The following ARMC3 variants were observed in gnomAD, a reference collection of about 807,000 sequenced individuals.
ARMC3 encodes the protein armadillo repeat-containing protein 3.
A neutral mutation model predicts 90.3 loss-of-function variants in ARMC3; 74 were observed. The observed-to-expected ratio is 0.82, with a 90% CI of 0.68 to 0.99. The LOEUF is 0.99. Ranked by LOEUF, ARMC3 falls within the 50% of genes least tolerant of loss-of-function variation. ARMC3 has a pLI of 0.00. For synonymous variants in ARMC3, 334 were observed against 361.8 expected (o/e 0.92, Z 0.87); for missense variants, 958 against 1,042.8 (o/e 0.92, Z 1.12).
In ARMC3 at chr10:22,946,450, G is replaced by A. The variant is rs1834529136; in HGVS notation, c.166+189G>A. 3 of 416,872 alleles carry A rather than the reference G, an allele frequency of 7.2e-6. No homozygotes were observed. The South Asian group carries it at 1.1e-4, about 15-fold the overall frequency. 25.8% of individuals were successfully genotyped at this position (416,872 alleles called of 1,614,324 possible). A position where few individuals can be genotyped will look rare whatever the true frequency, so the allele number is the denominator to read the frequency against. The stretch of plus-strand genomic sequence containing the variant: ...CCTGAGTTCCTAGCTTAATCTTAAG[G>A]AGTAATTTAGTCACTGGGTAGAACA... On this transcript the variant is annotated intron_variant, in intron 3 of 18. Coordinates refer to ENST00000298032, the MANE Select transcript of ARMC3 (RefSeq NM_173081.5).
chr10:22,972,244 A>G (rs1281214141), intron 8 of ARMC3, among the ~76,000 whole-genome samples: 3 of 152,180 alleles, frequency 2.0e-5, no homozygotes. Context: ...TTGGTGTCAT[A>G]TCCAATAACT....
chr10:23,001,723 G>A (rs1467006519), intron 11 of ARMC3, among the ~76,000 whole-genome samples, 196 bp from the exon 12 acceptor site: 5 of 152,136 alleles, frequency 3.3e-5, no homozygotes, highest in African/African-American at 4.8e-5. Context: ...CCCAGGGCCC[G>A]AAAACCGGGC....
intron 1 of ARMC3, among the ~76,000 whole-genome samples, chr10:22,931,020 CG>C (rs1421919197): frequency 6.6e-6 from 1 of 152,056 alleles, no homozygotes; most frequent in Non-Finnish European, 1.5e-5. Context: ...CTCCGCCTCC[CG>C]GGTTCAAGTG....
chr10:23,026,393 C>A (rs1564404305), intron 16 of ARMC3, among the ~76,000 whole-genome samples: 1 of 151,960 alleles, frequency 6.6e-6, no homozygotes, highest in Non-Finnish European at 1.5e-5. Flanking sequence ...TTTATCTGAG[C>A]AACTTGAGGG....
intron 1 of ARMC3, among the ~76,000 whole-genome samples, chr10:22,929,269 A>G (rs1453737147): frequency 6.7e-6 from 1 of 148,174 alleles, no homozygotes; most frequent in African/African-American, 2.6e-5. Context: ...AGAGAGAGGG[A>G]GAGAGAGAGA....
At chr10:22,996,441 A>G (rs185811263) in intron 10 of ARMC3, among the ~76,000 whole-genome samples, 58 of 152,310 alleles carry the variant, frequency 3.8e-4, no homozygotes, top group African/African-American at 1.2e-3. Flanking sequence ...GTTACATGTC[A>G]TCTAACCAAA....
Position 23,032,998 on chromosome 10 carries a change from T to G in ARMC3, c.2384T>G (p.Phe795Cys). 1 of 1,612,832 alleles carries G rather than the reference T, an allele frequency of 6.2e-7. No homozygotes were observed. Among genetic ancestry groups the G allele is most frequent in the South Asian group, 1.1e-5 (1 of 90,978 alleles). ...IPIGHVKKGI[F>C]YHRALLFKAL... ...ATTGGACATGTCAAAAAAGGAATCT[T>G]CTACCATCGAGCTTTGCTTTTCAAG... The change falls in exon 18 of 19, where the codon TTC (phenylalanine) becomes TGC (cysteine). Residue 795 changes from phenylalanine (F) to cysteine (C), a missense_variant. Transcript: ENST00000298032.
At chr10:23,024,640 T>C (rs1838644961) in intron 16 of ARMC3, among the ~76,000 whole-genome samples, 1 of 152,172 alleles carries the variant, frequency 6.6e-6, no homozygotes, top group African/African-American at 2.4e-5. Flanking sequence ...GCCATATTTG[T>C]ACATTGTAAT....
intron 16 of ARMC3, among the ~76,000 whole-genome samples, chr10:23,025,282 C>A (rs903028321): frequency 2.0e-5 from 3 of 151,748 alleles, no homozygotes; most frequent in African/African-American, 7.3e-5. Context: ...TAGAACACTC[C>A]AACAATAACA....
rs1176037322 is a variant in ARMC3 at position 22,961,816 on chromosome 10, A to G, written c.538-68A>G. 4 of 1,316,502 alleles carry G rather than the reference A, an allele frequency of 3.0e-6. No individual in the cohort carries two copies. In the African/African-American group the frequency reaches 4.5e-5, roughly 15 times the overall value. The allele number at this position is 1,316,502 out of a possible 1,614,324, so 81.6% of individuals were successfully genotyped here. On this transcript the variant is annotated intron_variant, in intron 6 of 18. Transcript: ENST00000298032. Reference sequence around the variant, plus strand: ...AACTTATGTTCTTGTGTTAGAAAACAGAATTTCTCCATTCTTGAGGATGTA... The same window carrying G: ...AACTTATGTTCTTGTGTTAGAAAACGGAATTTCTCCATTCTTGAGGATGTA...
intron 4 of ARMC3, among the ~76,000 whole-genome samples, chr10:22,956,540 T>G (rs1159543527): frequency 6.6e-6 from 1 of 151,722 alleles, no homozygotes; most frequent in Non-Finnish European, 1.5e-5. Flanking sequence ...GAGGTGGAGG[T>G]TGCAGTGAGC....
intron 8 of ARMC3, among the ~76,000 whole-genome samples, chr10:22,973,276 G>T (rs894044936): frequency 3.4e-5 from 5 of 148,828 alleles, no homozygotes; most frequent in African/African-American, 7.5e-5. Flanking sequence ...TCCAGCCTGG[G>T]TAACTGAGCA....
intron 10 of ARMC3, among the ~76,000 whole-genome samples, chr10:22,990,381 A>C (rs184378141): frequency 3.6e-4 from 55 of 152,296 alleles, no homozygotes; most frequent in African/African-American, 1.3e-3. Context: ...TTTGCTGTTT[A>C]GCTAAAAATT....
chr10:23,006,768 GTT>G, intron 13 of ARMC3, 114 bp from the exon 14 acceptor site: 1 of 804,000 alleles, frequency 1.2e-6, no homozygotes. Context: ...ACATGTGTGT[GTT>G]TGTGTGTGTG....
chr10:22,962,344 G>A (rs895016880), intron 7 of ARMC3, among the ~76,000 whole-genome samples: 6 of 152,100 alleles, frequency 3.9e-5, no homozygotes, highest in African/African-American at 1.4e-4. Context: ...CCTAGGGTGA[G>A]TCTTTTAACC....
intron 8 of ARMC3, among the ~76,000 whole-genome samples, chr10:22,972,383 C>G (rs768628115): frequency 6.6e-6 from 1 of 152,014 alleles, no homozygotes; most frequent in South Asian, 2.1e-4. Context: ...GGTCCCAGTT[C>G]GTTCTTTTTC....
At chr10:22,942,996 A>G (rs375829345) in intron 2 of ARMC3, among the ~76,000 whole-genome samples, 3 of 152,188 alleles carry the variant, frequency 2.0e-5, no homozygotes, top group African/African-American at 7.2e-5. Context: ...GAAGTTCAAA[A>G]ATGGAAAATT....
chr10:23,006,725 G>C (rs1243212254), intron 13 of ARMC3, 159 bp from the exon 14 acceptor site: 1 of 604,820 alleles, frequency 1.7e-6, no homozygotes, highest in South Asian at 1.9e-5. Context: ...CAAGCTTCAG[G>C]TTCCTATTTC....
At chr10:23,033,147 A>G in intron 18 of ARMC3, 124 bp downstream of exon 18, 2 of 915,306 alleles carry the variant, frequency 2.2e-6, no homozygotes, top group Non-Finnish European at 1.6e-6. Flanking sequence ...ATTTATTTAT[A>G]TCTACATATA....
Sources: gnomAD v4.1 joint callset for allele counts (sites outside exome capture counted in the v4.1 genomes callset) on GRCh38, gnomAD v4.1.1 for gene constraint, MANE v1.5 for transcripts, NCBI Gene and HGNC (gene_info 2026-07-23, HGNC 2026-07-21) for gene names.